PLCH2: variants seen among roughly 807,000 people sequenced by gnomAD.
PLCH2 encodes the protein 1-phosphatidylinositol 4,5-bisphosphate phosphodiesterase eta-2.
Under a neutral mutation model 134.7 loss-of-function variants are expected in PLCH2, and 98 were observed. The ratio of observed to expected loss-of-function variants is 0.73; its 90% CI spans 0.62 to 0.86. The LOEUF is 0.86. Ranked by LOEUF, PLCH2 falls within the 40% of genes least tolerant of loss-of-function variation. The pLI, the probability that PLCH2 is intolerant of heterozygous loss-of-function variation, is 0.00. For missense variants in PLCH2, 1,994 were observed against 1,986.6 expected, an observed-to-expected ratio of 1.00 and a Z score of -0.07; for synonymous variants, 974 against 827.5, an observed-to-expected ratio of 1.18 and a Z score of -3.04.
rs1019597888 is a variant in PLCH2 at position 2,494,884 on chromosome 1, G to T, written c.1688G>T (p.Gly563Val). 2 of 1,607,260 alleles carry T rather than the reference G, an allele frequency of 1.2e-6. No homozygotes were observed. Among genetic ancestry groups the T allele is most frequent in the African/African-American group, 2.7e-5 (2 of 74,974 alleles). ...KSKAEEDVES[G>V]EDAGASRRNG... ...AAGGCTGAAGAGGACGTGGAGTCTG[G>T]GGAGGATGCCGGGGCCAGCAGACGC... Residue 563 changes from glycine to valine, a missense_variant, in exon 12 of 22, where the codon GGG becomes GTG. Around this residue, in one of 2 missense-constraint regions of PLCH2, gnomAD observed 1,094 missense variants for 1,234.3 expected, o/e 0.89. Transcript: ENST00000378486.
chr1:2,499,819 C>A, intron 20 of PLCH2, 99 bp downstream of exon 20: 1 of 959,972 alleles, frequency 1.0e-6, no homozygotes, highest in South Asian at 1.4e-5. Flanking sequence ...GTCCTGAACT[C>A]AGGCAGTGAG....
In PLCH2 at chr1:2,502,165, C is replaced by A. The variant is rs1470162350; in HGVS notation, c.2715C>A (p.Gly905=). ...KGLFLRGPKP[G]SLDSHAAGRP... ...TCTTCCTCCGAGGCCCAAAGCCCGG[C>A]TCGCTGGACAGTCATGCTGCTGGGC... The change falls in exon 21 of 22, where the codon GGC becomes GGA. Residue 905 remains glycine, a synonymous_variant. Coordinates refer to ENST00000378486, the MANE Select transcript of PLCH2 (RefSeq NM_014638.4). 8 of 1,504,840 alleles carry A rather than the reference C, an allele frequency of 5.3e-6. No individual in the cohort carries two copies. Among genetic ancestry groups the A allele is most frequent in the Non-Finnish European group, 7.1e-6 (8 of 1,130,704 alleles). The allele number at this position is 1,504,840 out of a possible 1,614,324, so 93.2% of individuals were successfully genotyped here.
upstream of PLCH2, among the ~76,000 whole-genome samples, chr1:2,466,559 G>T (rs1305742287): frequency 1.3e-5 from 2 of 152,218 alleles, no homozygotes. Context: ...CCCAGAGGCG[G>T]CCCCACATCC....
At chr1:2,461,871 C>T (rs536057180) in intron 2 of PLCH2, among the ~76,000 whole-genome samples, 1 of 151,828 alleles carries the variant, frequency 6.6e-6, no homozygotes, top group Non-Finnish European at 1.5e-5. Flanking sequence ...GACTCATCCC[C>T]CCCAGGGCCT....
At chr1:2,486,885 T>C in intron 5 of PLCH2, 22 bp from the exon 6 acceptor site, 1 of 1,581,036 alleles carries the variant, frequency 6.3e-7, no homozygotes, top group Non-Finnish European at 8.6e-7. Flanking sequence ...CTGCCTGGAC[T>C]CATGCCCCTG....
intron 2 of PLCH2, among the ~76,000 whole-genome samples, chr1:2,452,668 C>T (rs1391899970): frequency 6.6e-6 from 1 of 152,200 alleles, no homozygotes; most frequent in Non-Finnish European, 1.5e-5. Context: ...TTCACAGGCC[C>T]TGGGGACAGG....
Position 2,435,135 on chromosome 1 carries a change from G to A in PLCH2, c.115+4506G>A, listed in dbSNP as rs536331905. 2.0e-5 allele frequency among the ~76,000 whole-genome samples: 3 copies of A among 152,314 alleles called. No homozygotes were observed. The South Asian group carries it at 6.2e-4, about 32-fold the overall frequency. The stretch of plus-strand genomic sequence containing the variant: ...GGCTGCAGAGAAGTGGGCAGTCCAG[G>A]AGCTCTGCTGGGAGGAGGAGTGGAG... On this transcript the variant is annotated intron_variant, in intron 2 of 3. Transcript: ENST00000609981.
chr1:2,491,412 C>T lies in PLCH2; in HGVS notation c.1659+77C>T, dbSNP rs1013852056. 36 of 1,478,614 alleles carry T rather than the reference C, an allele frequency of 2.4e-5. 1 individual carries two copies. In the Middle Eastern group the frequency reaches 6.7e-4, roughly 28 times the overall value. 91.6% of individuals were successfully genotyped at this position (1,478,614 alleles called of 1,614,324 possible). A position where few individuals can be genotyped will look rare whatever the true frequency, so the allele number is the denominator to read the frequency against. ...CAGCCTGTGGGCCAGCCAGGGCCCC[C>T]GAACGTATGCTCTGTGCGCACTCAC... is the stretch of plus-strand genomic sequence containing the variant. On this transcript the variant is annotated intron_variant, in intron 11 of 21. Transcript: ENST00000378486.
At chr1:2,440,775 T>C (rs1362108805) in intron 2 of PLCH2, among the ~76,000 whole-genome samples, 1 of 152,250 alleles carries the variant, frequency 6.6e-6, no homozygotes, top group Non-Finnish European at 1.5e-5. Flanking sequence ...TTTCACAGTT[T>C]CCAATTTGCG....
intron 1 of PLCH2, among the ~76,000 whole-genome samples, chr1:2,469,697 C>T (rs1369050424): frequency 1.3e-5 from 2 of 152,192 alleles, no homozygotes; most frequent in African/African-American, 4.8e-5. Context: ...CCTGTTTCTT[C>T]CCGGGATTTT....
At chr1:2,468,108 G>A (rs2100609662) in intron 1 of PLCH2, among the ~76,000 whole-genome samples, 1 of 152,318 alleles carries the variant, frequency 6.6e-6, no homozygotes, top group African/African-American at 2.4e-5. Flanking sequence ...GGGCTGGTAG[G>A]CTCTGGCTTT....
intron 2 of PLCH2, among the ~76,000 whole-genome samples, chr1:2,453,444 C>T (rs924644864): frequency 8.5e-5 from 13 of 152,192 alleles, no homozygotes; most frequent in African/African-American, 1.9e-4. Flanking sequence ...CTGTGCACAC[C>T]GCAGGCCCTC....
chr1:2,460,897 C>T (rs1442667118), intron 2 of PLCH2, among the ~76,000 whole-genome samples: 2 of 152,234 alleles, frequency 1.3e-5, no homozygotes, highest in African/African-American at 4.8e-5. Context: ...AGGGCAACAG[C>T]TGCGGGTTCG....
At chr1:2,432,660 A>G (rs1048114052) in intron 2 of PLCH2, among the ~76,000 whole-genome samples, 1 of 152,130 alleles carries the variant, frequency 6.6e-6, no homozygotes, top group Non-Finnish European at 1.5e-5. Context: ...TGAGCTGCCC[A>G]GACAGTGCAC....
chr1:2,449,079 C>T (rs907362075), intron 2 of PLCH2, among the ~76,000 whole-genome samples: 4 of 152,060 alleles, frequency 2.6e-5, no homozygotes, highest in East Asian at 1.9e-4. Context: ...GAGTCCTGGT[C>T]GGAGCTGTAG....
chr1:2,443,289 C>T (rs1264316672), intron 2 of PLCH2, among the ~76,000 whole-genome samples: 2 of 152,072 alleles, frequency 1.3e-5, no homozygotes, highest in African/African-American at 2.4e-5. Flanking sequence ...GGAGGGGTGG[C>T]CCAGGCCCCA....
Position 2,496,657 on chromosome 1 carries a change from T to C in PLCH2, c.1886T>C (p.Leu629Pro). ...TMKLSRALSD[L>P]VKYTKSVATH... ...AAGCTGTCCCGGGCCCTCTCTGACC[T>C]GGTGAAGTACACCAAGTCCGTGGCC... Residue 629 changes from leucine (L) to proline (P), a missense_variant, in exon 14 of 22, where the codon CTG becomes CCG. Leu to Pro is a moderately conservative substitution (Grantham distance 98). This residue lies in a region of PLCH2 where 1,094 missense variants were observed against 1,234.3 expected (regional missense o/e 0.89). Coordinates refer to ENST00000378486, the MANE Select transcript of PLCH2 (RefSeq NM_014638.4). 6.2e-7 allele frequency: 1 copy of C among 1,612,258 alleles called. No homozygotes were observed. The highest frequency in any genetic ancestry group is 8.5e-7 in the Non-Finnish European group (1 of 1,179,554).
At chr1:2,494,989 A>G (rs751708957) in intron 12 of PLCH2, 41 bp downstream of exon 12, 24 of 1,374,702 alleles carry the variant, frequency 1.7e-5, no homozygotes, top group Admixed American at 1.9e-5. Context: ...GTCTGGGCCC[A>G]GTGTCCTCCC....
intron 1 of PLCH2, among the ~76,000 whole-genome samples, chr1:2,471,051 G>C (rs1266473542): frequency 6.8e-6 from 1 of 146,706 alleles, no homozygotes; most frequent in Non-Finnish European, 1.5e-5. Flanking sequence ...AATGGGGGGG[G>C]CACTCGCGGT....
Sources: allele counts gnomAD v4.1 joint callset (sites outside exome capture counted in the v4.1 genomes callset), GRCh38; gene constraint gnomAD v4.1.1; regional missense constraint gnomAD v4.1.1; transcripts MANE v1.5; gene names NCBI Gene and HGNC (gene_info 2026-07-23, HGNC 2026-07-21).